The following FBXW4 variants were observed in gnomAD, a reference collection of about 807,000 sequenced individuals.
FBXW4 encodes the protein F-box and WD repeat domain containing 4, also known as F-box/WD repeat-containing protein 4.
FBXW4 carries 40 observed loss-of-function variants against 61.8 expected under a neutral mutation model. The observed-to-expected ratio is 0.65, with a 90% CI of 0.50 to 0.84. The LOEUF (loss-of-function observed/expected upper bound fraction) is 0.84. Ranked by LOEUF, FBXW4 falls within the 40% of genes least tolerant of loss-of-function variation. FBXW4 has a pLI of 0.00. For synonymous variants in FBXW4, 311 were observed against 313.8 expected, an observed-to-expected ratio of 0.99 and a Z score of 0.10; for missense variants, 672 against 753.8, an observed-to-expected ratio of 0.89 and a Z score of 1.27.
At chr10:101,674,418 A>T (rs2064388724) in intron 2 of FBXW4, among the ~76,000 whole-genome samples, 1 of 152,132 alleles carries the variant, frequency 6.6e-6, no homozygotes, top group Admixed American at 6.5e-5. Context: ...TGTAAGTGGG[A>T]AGTTTCAAGG....
intron 5 of FBXW4, among the ~76,000 whole-genome samples, chr10:101,632,306 C>T (rs916946015): frequency 6.6e-6 from 1 of 152,160 alleles, no homozygotes; most frequent in African/African-American, 2.4e-5. Context: ...GGATAGTGTC[C>T]AGAGGCTGGA....
chr10:101,691,676 T>C (rs897159186), intron 1 of FBXW4, among the ~76,000 whole-genome samples: 3 of 152,184 alleles, frequency 2.0e-5, no homozygotes, highest in Non-Finnish European at 2.9e-5. Flanking sequence ...TCAATCTCTA[T>C]ATGAAGAGAG....
chr10:101,667,959 G>A lies in FBXW4; in HGVS notation c.1162C>T (p.Arg388Trp), dbSNP rs141202852. 7 of 1,614,120 alleles carry A rather than the reference G, an allele frequency of 4.3e-6. No homozygotes were observed. Among genetic ancestry groups the A allele is most frequent in the Non-Finnish European group, 5.1e-6 (6 of 1,179,970 alleles). Residue 388 changes from arginine to tryptophan, a missense_variant, in exon 5 of 9, where the codon CGG becomes TGG. Coordinates refer to ENST00000331272, the MANE Select transcript of FBXW4 (RefSeq NM_022039.4). Reference protein sequence around the residue: ...TAKVWPLASGRLGQCLHTIQT... With the variant: ...TAKVWPLASGWLGQCLHTIQT... The stretch of plus-strand genomic sequence containing the variant: ...ATGGTGTGTAAGCACTGCCCCAGCC[G>A]GCCTGAGGCCAAAGGCCACACCTAG...
At chr10:101,678,823 G>A (rs2064444056) in intron 1 of FBXW4, among the ~76,000 whole-genome samples, 1 of 152,110 alleles carries the variant, frequency 6.6e-6, no homozygotes, top group African/African-American at 2.4e-5. Context: ...AGATTCTAAT[G>A]GACACAGGTT....
intron 6 of FBXW4, among the ~76,000 whole-genome samples, chr10:101,623,417 GA>G (rs953044386): frequency 1.6e-3 from 240 of 150,746 alleles, no homozygotes; most frequent in Non-Finnish European, 2.7e-3. Flanking sequence ...TTTTAAAAAA[GA>G]AAAAAAAATA....
rs139976305 is a variant in FBXW4, at chr10:101,615,365, G to T, written c.1302-2888C>A. ...CCCAGGCCTCCAGGATCCACTAAGGGCTGGGGGCCTCCACACCCTAGCCTC... is the reference window on the plus strand; with the variant it reads ...CCCAGGCCTCCAGGATCCACTAAGGTCTGGGGGCCTCCACACCCTAGCCTC... On this transcript the variant is annotated intron_variant, in intron 6 of 8. Coordinates refer to ENST00000331272, the MANE Select transcript of FBXW4 (RefSeq NM_022039.4). 3.9e-3 allele frequency among the ~76,000 whole-genome samples: 596 copies of T among 152,120 alleles called. 7 individuals carry two copies. Among genetic ancestry groups the T allele is most frequent in the African/African-American group, 0.014 (574 of 41,506 alleles).
At chr10:101,691,916 G>C (rs1293766692) in intron 1 of FBXW4, among the ~76,000 whole-genome samples, 1 of 152,128 alleles carries the variant, frequency 6.6e-6, no homozygotes, top group Admixed American at 6.5e-5. Context: ...TACAAGAGTA[G>C]AGTAATCTTC....
intron 5 of FBXW4, chr10:101,659,306 C>G: frequency 1.2e-6 from 1 of 844,770 alleles, no homozygotes; most frequent in Non-Finnish European, 1.4e-6. Flanking sequence ...ACTCAGCCAT[C>G]TTGAACCCTG....
At chr10:101,612,675 G>A (rs543975803) in intron 6 of FBXW4, among the ~76,000 whole-genome samples, 198 bp from the exon 7 acceptor site, 3 of 151,852 alleles carry the variant, frequency 2.0e-5, no homozygotes, top group East Asian at 3.9e-4. Context: ...CCAGTCCCAG[G>A]CCCCACCCCT....
At chr10:101,670,791 G>A (rs2064351581) in intron 4 of FBXW4, among the ~76,000 whole-genome samples, 1 of 152,204 alleles carries the variant, frequency 6.6e-6, no homozygotes, top group African/African-American at 2.4e-5. Context: ...CACATCTCAG[G>A]ATGGGGCTGG....
chr10:101,625,179 C>A, intron 5 of FBXW4: 1 of 249,374 alleles, frequency 4.0e-6, no homozygotes, highest in South Asian at 5.5e-5. Context: ...AATGGCAGGG[C>A]ACAGAAAAGG....
chr10:101,678,061 T>A (rs1394591528), intron 1 of FBXW4, among the ~76,000 whole-genome samples: 3 of 152,160 alleles, frequency 2.0e-5, no homozygotes, highest in Non-Finnish European at 2.9e-5. Flanking sequence ...TACAATTCAT[T>A]CAACTTTTCT....
chr10:101,686,280 A>G (rs1402435063), intron 1 of FBXW4, among the ~76,000 whole-genome samples: 1 of 152,218 alleles, frequency 6.6e-6, no homozygotes, highest in East Asian at 1.9e-4. Flanking sequence ...CTGAAACAAA[A>G]GTAAACAGGT....
At chr10:101,624,843 G>A in intron 5 of FBXW4, 33 bp from the exon 6 acceptor site, 1 of 1,612,154 alleles carries the variant, frequency 6.2e-7, no homozygotes, top group Non-Finnish European at 8.5e-7. Context: ...AGTCAGATCT[G>A]GCTTGTCAGA....
rs545307450 is a variant in FBXW4 at position 101,652,094 on chromosome 10, C to T, written c.1235+15792G>A. Among the ~76,000 whole-genome samples the T allele has an allele frequency of 1.1e-4, 17 of 152,140 alleles. No individual in the cohort carries two copies. The South Asian group carries it at 3.5e-3, about 32-fold the overall frequency. ...TCTCTCTGATTCCTTCTTTGCTTCC[C>T]ATCTCCACCCCCTCGCTTCTCCTCA... is the stretch of plus-strand genomic sequence containing the variant. On this transcript the variant is annotated intron_variant, in intron 5 of 8. Coordinates refer to ENST00000331272, the MANE Select transcript of FBXW4 (RefSeq NM_022039.4).
intron 5 of FBXW4, among the ~76,000 whole-genome samples, chr10:101,640,947 C>T (rs1296876278): frequency 1.3e-5 from 2 of 152,016 alleles, no homozygotes; most frequent in African/African-American, 2.4e-5. Context: ...TCTTCTGCCT[C>T]AGCCTCCCGA....
chr10:101,668,923 T>G (rs138582986), intron 4 of FBXW4, among the ~76,000 whole-genome samples: 615 of 152,308 alleles, frequency 4.0e-3, no homozygotes, highest in Middle Eastern at 6.8e-3. Flanking sequence ...GATGGATCAG[T>G]GACCTCTTAA....
At chr10:101,654,169 T>C (rs766146955) in intron 5 of FBXW4, among the ~76,000 whole-genome samples, 17 of 145,508 alleles carry the variant, frequency 1.2e-4, no homozygotes, top group Admixed American at 2.8e-4. Flanking sequence ...TTTTAAAAAA[T>C]TCTAGTATGT....
chr10:101,667,767 A>T, intron 5 of FBXW4, 119 bp downstream of exon 5: 2 of 840,302 alleles, frequency 2.4e-6, no homozygotes, highest in East Asian at 2.5e-5. Flanking sequence ...AAAATCTCCA[A>T]GACAGTGACT....
Sources: gnomAD v4.1 joint callset for allele counts (sites outside exome capture counted in the v4.1 genomes callset) on GRCh38, gnomAD v4.1.1 for gene constraint, MANE v1.5 for transcripts, NCBI Gene and HGNC (gene_info 2026-07-23, HGNC 2026-07-21) for gene names.